Variants in SLC16A6 observed in about 807,000 individuals in gnomAD.
SLC16A6 encodes monocarboxylate transporter 7.
Under a neutral mutation model 33.8 loss-of-function variants are expected in SLC16A6, and 15 were observed. That is an observed-to-expected ratio of 0.44 (90% CI 0.30 to 0.68). SLC16A6 has a LOEUF of 0.68. Among genes scored for constraint, SLC16A6 ranks in the 30% least tolerant of loss-of-function variants. The pLI, the probability that SLC16A6 is intolerant of heterozygous loss-of-function variation, is 0.10. For missense variants in SLC16A6, 451 were observed against 661.5 expected (o/e 0.68, Z 3.49); for synonymous variants, 219 against 248.4 (o/e 0.88, Z 1.11).
At chr17:68,272,437 CTAT>C (rs1467476902) in intron 4 of SLC16A6, among the ~76,000 whole-genome samples, 199 bp downstream of exon 4, 1 of 152,124 alleles carries the variant, frequency 6.6e-6, no homozygotes, top group African/African-American at 2.4e-5. Context: ...GAATTGAAAC[CTAT>C]TATTAAGGTG....
intron 3 of SLC16A6, 80 bp downstream of exon 3, chr17:68,273,847 G>T: frequency 1.4e-6 from 2 of 1,476,374 alleles, no homozygotes; most frequent in Non-Finnish European, 1.9e-6. Context: ...AATATAGTTT[G>T]GCTTTAATTT....
Position 68,278,261 on chromosome 17 carries a change from A to T in SLC16A6, c.60T>A (p.Asp20Glu). The T allele has an allele frequency of 6.2e-7, 1 of 1,614,184 alleles. No homozygotes were observed. The highest frequency in any genetic ancestry group is 8.5e-7 in the Non-Finnish European group (1 of 1,180,020). ...CAGCTACCGCCCAGCCCCATCCTCCATCAGGCACTTCAGTATACACATTGG... is the reference window on the plus strand; with the variant it reads ...CAGCTACCGCCCAGCCCCATCCTCCTTCAGGCACTTCAGTATACACATTGG... ...SKANVYTEVP[D>E]GGWGWAVAVS... Residue 20 changes from aspartate (D) to glutamate (E), a missense_variant, in exon 2 of 6, where the codon GAT becomes GAA. Asp to Glu is a conservative substitution (Grantham distance 45). Transcript: ENST00000580666.
chr17:68,275,065 C>G (rs1273028383), intron 2 of SLC16A6, among the ~76,000 whole-genome samples: 1 of 152,210 alleles, frequency 6.6e-6, no homozygotes, highest in Non-Finnish European at 1.5e-5. Context: ...CAGGCGTGAG[C>G]CACCGCGCCC....
chr17:68,281,493 T>C (rs1409685014), intron 1 of SLC16A6, among the ~76,000 whole-genome samples: 2 of 152,176 alleles, frequency 1.3e-5, no homozygotes, highest in Non-Finnish European at 2.9e-5. Flanking sequence ...GAGACTCACT[T>C]GAACCTGGGA....
At chr17:68,275,997 T>A (rs1245836827) in intron 2 of SLC16A6, among the ~76,000 whole-genome samples, 1 of 149,650 alleles carries the variant, frequency 6.7e-6, no homozygotes, top group Non-Finnish European at 1.5e-5. Flanking sequence ...AAAAAAAAAA[T>A]TAAGTTATCT....
chr17:68,271,204 C>T lies in SLC16A6; in HGVS notation c.956G>A (p.Gly319Asp). 6.2e-7 allele frequency: 1 copy of T among 1,613,990 alleles called. No individual in the cohort carries two copies. The highest frequency in any genetic ancestry group is 8.5e-7 in the Non-Finnish European group (1 of 1,180,024). Residue 319 changes from glycine to aspartate, a missense_variant, in exon 5 of 6, where the codon GGC becomes GAC. Around this residue, in one of 2 missense-constraint regions of SLC16A6, gnomAD observed 405 missense variants for 510.7 expected, o/e 0.79. Coordinates refer to ENST00000580666, the MANE Select transcript of SLC16A6 (RefSeq NM_004694.5). The surrounding 1 kb of genome is among the most constrained non-coding windows in gnomAD (Gnocchi z 5.3). The part of the protein sequence containing the change: ...FAPSLYIIPL[G>D]ISLGIDQDRA... ...GTCCTGGTCAATGCCCAGACTAATG[C>T]CCAGAGGAATGATGTACAAGGAAGG...
chr17:68,274,026 C>T lies in SLC16A6; in HGVS notation c.277G>A (p.Val93Ile), dbSNP rs1555750072. ...ACAAGTAGCCCCCCCAACATCACTACCAGACGGTGTCCGAAACGATTGCTC... is the reference window on the plus strand; with the variant it reads ...ACAAGTAGCCCCCCCAACATCACTATCAGACGGTGTCCGAAACGATTGCTC... ...VLSNRFGHRL[V>I]VMLGGLLVST... is the part of the protein sequence containing the mutation. The change falls in exon 3 of 6, where the codon GTA becomes ATA. Residue 93 changes from valine to isoleucine, a missense_variant. Physicochemically the swap from Val to Ile is conservative, Grantham distance 29. Around this residue, in one of 2 missense-constraint regions of SLC16A6, gnomAD observed 405 missense variants for 510.7 expected, o/e 0.79. Transcript: ENST00000580666. 1 of 1,614,028 alleles carries T rather than the reference C, an allele frequency of 6.2e-7. No individual in the cohort carries two copies. The highest frequency in any genetic ancestry group is 1.3e-5 in the African/African-American group (1 of 74,924).
intron 5 of SLC16A6, 42 bp downstream of exon 5, chr17:68,270,796 AG>A: frequency 6.7e-7 from 1 of 1,500,556 alleles, no homozygotes; most frequent in South Asian, 1.3e-5. Flanking sequence ...ACAATTCACA[AG>A]GGAAAGTAGA....
Position 68,268,769 on chromosome 17 carries a change from C to G in SLC16A6, c.*327G>C, listed in dbSNP as rs1319879994. The stretch of plus-strand genomic sequence containing the variant: ...AGCTTTTAAAACCACTTTGCCAGTT[C>G]ATGTCACTATTTTAATATCGGAATG... On this transcript the variant is annotated 3_prime_UTR_variant, in exon 6 of 6. Transcript: ENST00000580666. 1 of 271,926 alleles carries G rather than the reference C, an allele frequency of 3.7e-6. No individual in the cohort carries two copies. Among genetic ancestry groups the G allele is most frequent in the East Asian group, 8.4e-5 (1 of 11,956 alleles). The allele number at this position is 271,926 out of a possible 1,614,324, so 16.8% of individuals were successfully genotyped here. A position where few individuals can be genotyped will look rare whatever the true frequency, so the allele number is the denominator to read the frequency against.
intron 3 of SLC16A6, 131 bp downstream of exon 3, chr17:68,273,796 T>G: frequency 8.9e-7 from 1 of 1,121,248 alleles, no homozygotes; most frequent in Non-Finnish European, 1.3e-6. Context: ...ACTACTGATC[T>G]GAGACACTGT....
At chr17:68,270,531 G>T (rs192530326) in intron 5 of SLC16A6, among the ~76,000 whole-genome samples, 41 of 149,864 alleles carry the variant, frequency 2.7e-4, no homozygotes, top group African/African-American at 9.8e-4. Context: ...TCCAGCCTGG[G>T]TGATAGAGCG....
chr17:68,272,824 G>T (rs1555749508), intron 3 of SLC16A6, 57 bp from the exon 4 acceptor site: 2 of 1,596,966 alleles, frequency 1.3e-6, no homozygotes, highest in African/African-American at 2.7e-5. Flanking sequence ...GAGACTGGAA[G>T]GATGCATTAA....
intron 2 of SLC16A6, 62 bp from the exon 3 acceptor site, chr17:68,274,132 G>T: frequency 6.4e-7 from 1 of 1,557,066 alleles, no homozygotes; most frequent in Non-Finnish European, 8.8e-7. Context: ...GCTGCCATAA[G>T]ACTCCTTCCT....
intron 5 of SLC16A6, among the ~76,000 whole-genome samples, chr17:68,270,331 G>A (rs1475710784): frequency 2.0e-5 from 3 of 152,000 alleles, no homozygotes; most frequent in East Asian, 1.9e-4. Flanking sequence ...CAAGGCAGGC[G>A]GATCACGAGG....
intron 1 of SLC16A6, among the ~76,000 whole-genome samples, chr17:68,289,240 A>G (rs1442707266): frequency 6.6e-6 from 1 of 152,118 alleles, no homozygotes; most frequent in Non-Finnish European, 1.5e-5. Context: ...CGAGGCTGCA[A>G]TGAGCAGAGA....
At chr17:68,282,645 TAAG>T (rs1555753158) in intron 1 of SLC16A6, among the ~76,000 whole-genome samples, 1 of 150,718 alleles carries the variant, frequency 6.6e-6, no homozygotes, top group East Asian at 2.0e-4. Context: ...CAAAAAAGTA[TAAG>T]AAGAAATTAG....
intron 1 of SLC16A6, among the ~76,000 whole-genome samples, chr17:68,287,065 C>G (rs1046785328): frequency 3.3e-5 from 5 of 152,026 alleles, no homozygotes; most frequent in African/African-American, 1.2e-4. Context: ...CTCACTGCAA[C>G]CTCCACCTCC....
At chr17:68,282,400 T>G (rs2075721769) in intron 1 of SLC16A6, among the ~76,000 whole-genome samples, 2 of 151,690 alleles carry the variant, frequency 1.3e-5, no homozygotes. Context: ...ATACCTAATG[T>G]TAAATGACGA....
chr17:68,290,511 AC>A (rs2075949334), intron 1 of SLC16A6, among the ~76,000 whole-genome samples: 1 of 152,124 alleles, frequency 6.6e-6, no homozygotes, highest in East Asian at 1.9e-4. Flanking sequence ...CAGGTGGAGG[AC>A]CCGCGCTCTG....
Sources: gnomAD v4.1 joint callset for allele counts (sites outside exome capture counted in the v4.1 genomes callset) on GRCh38, gnomAD v4.1.1 for gene constraint, gnomAD v4.1.1 regional missense constraint, Gnocchi (gnomAD v3.1) non-coding constraint, MANE v1.5 for transcripts, NCBI Gene and HGNC (gene_info 2026-07-23, HGNC 2026-07-21) for gene names.